The following ST7L variants were observed in gnomAD, a reference collection of about 807,000 sequenced individuals.
ST7L encodes suppression of tumorigenicity 7 like.
Under a neutral mutation model 72.5 loss-of-function variants are expected in ST7L, and 57 were observed. The ratio of observed to expected loss-of-function variants is 0.79; its 90% CI spans 0.64 to 0.98. The LOEUF is 0.98. ST7L is among the 50% of genes least tolerant of loss of function. The probability of loss-of-function intolerance (pLI) is 0.00; values close to 1 mark genes in which losing one functional copy is unlikely to be tolerated. For missense variants in ST7L, 576 were observed against 672.2 expected (o/e 0.86, Z 1.58); for synonymous variants, 221 against 240.9 (o/e 0.92, Z 0.77).
At chr1:112,522,528 C>T (rs917490116), downstream of ST7L, 1 of 152,232 alleles carries the variant, frequency 6.6e-6, no homozygotes, top group Non-Finnish European at 1.5e-5. Context: ...CAAAGTTCCT[C>T]TCCAATATCC....
At chr1:112,532,788 T>A (rs1654584012) in intron 14 of ST7L, among the ~76,000 whole-genome samples, 1 of 152,208 alleles carries the variant, frequency 6.6e-6, no homozygotes, top group South Asian at 2.1e-4. Context: ...ACAAAGATAA[T>A]TTTATGATTT....
chr1:112,594,787 CCAGT>C (rs1666195926), intron 5 of ST7L, among the ~76,000 whole-genome samples: 1 of 151,980 alleles, frequency 6.6e-6, no homozygotes, highest in Non-Finnish European at 1.5e-5. Context: ...GAGAACTCAC[CCAGT>C]CAATTAGATT....
At position 112,550,660 on chromosome 1, in the gene ST7L, C is replaced by CCT. The variant is rs1557963656; in HGVS notation, c.1428_1429dup (p.Gly477GlufsTer50). 6.2e-7 allele frequency: 1 copy of CCT among 1,613,398 alleles called. No homozygotes were observed. The highest frequency in any genetic ancestry group is 1.1e-5 in the South Asian group (1 of 91,006). ...GCTGGGATAAGGGTAAAATAGATGT[C>CCT]CTTTCTCTAACGGGTATGGAATCAT... On this transcript the variant is annotated frameshift_variant, in exon 13 of 15. Coordinates refer to ENST00000358039, the MANE Select transcript of ST7L (RefSeq NM_017744.5). LOFTEE classifies it high-confidence loss of function.
At chr1:112,547,561 CTTTTTTTTTTTTTT>C (rs59755766) in intron 13 of ST7L, among the ~76,000 whole-genome samples, 1 of 61,982 alleles carries the variant, frequency 1.6e-5, no homozygotes, top group African/African-American at 6.4e-5. Context: ...TCTTTGTCAT[CTTTTTTTTTTTTTT>C]TTTTTTTTTT....
At chr1:112,570,570 T>TATATACACACACACACACAC (rs1183877129) in intron 11 of ST7L, among the ~76,000 whole-genome samples, 76 of 143,398 alleles carry the variant, frequency 5.3e-4, no homozygotes, top group African/African-American at 1.9e-3. Flanking sequence ...TATATATATA[T>TATATACACACACACACACAC]ACACACACAC....
chr1:112,573,464 T>C (rs955915653), intron 11 of ST7L, among the ~76,000 whole-genome samples: 20 of 152,122 alleles, frequency 1.3e-4, no homozygotes, highest in African/African-American at 4.8e-4. Context: ...ATTTGAGAAT[T>C]TTGATGAAAT....
chr1:112,577,311 C>G (rs1199257983), intron 10 of ST7L, among the ~76,000 whole-genome samples: 1 of 150,922 alleles, frequency 6.6e-6, no homozygotes, highest in African/African-American at 2.4e-5. Flanking sequence ...GGTGGATCAC[C>G]TGAGCTCAGG....
intron 12 of ST7L, among the ~76,000 whole-genome samples, chr1:112,553,233 AACACACACAC>A (rs71584746): frequency 4.7e-5 from 7 of 149,492 alleles, no homozygotes; most frequent in East Asian, 4.0e-4. Flanking sequence ...CTTTTCTTTA[AACACACACAC>A]ACACACACAC....
At chr1:112,537,081 C>T (rs1239837759) in intron 14 of ST7L, among the ~76,000 whole-genome samples, 1 of 151,992 alleles carries the variant, frequency 6.6e-6, no homozygotes, top group Non-Finnish European at 1.5e-5. Context: ...CTGCAACTTC[C>T]GCCTTCTAGG....
At chr1:112,572,231 G>A (rs1282539622) in intron 11 of ST7L, among the ~76,000 whole-genome samples, 1 of 152,222 alleles carries the variant, frequency 6.6e-6, no homozygotes, top group African/African-American at 2.4e-5. Flanking sequence ...AGCACAGGCA[G>A]AGAAGATTTA....
intron 4 of ST7L, among the ~76,000 whole-genome samples, chr1:112,599,048 A>G (rs1413527135): frequency 9.1e-6 from 1 of 110,494 alleles, no homozygotes; most frequent in East Asian, 2.9e-4. Context: ...TGACAGAGAG[A>G]GACTCAGCCT....
At chr1:112,601,360 C>T (rs768938786) in intron 3 of ST7L, among the ~76,000 whole-genome samples, 3 of 152,162 alleles carry the variant, frequency 2.0e-5, no homozygotes, top group Non-Finnish European at 2.9e-5. Context: ...ATTCTCCAGC[C>T]TCAGCCTCCC....
chr1:112,519,589 T>A (rs1652746992), downstream of ST7L, among the ~76,000 whole-genome samples: 1 of 152,124 alleles, frequency 6.6e-6, no homozygotes, highest in Admixed American at 6.5e-5. Context: ...ATGATCCCTA[T>A]CCTAGAGTTT....
chr1:112,604,364 G>C (rs1264946754), intron 3 of ST7L, among the ~76,000 whole-genome samples: 1 of 151,948 alleles, frequency 6.6e-6, no homozygotes, highest in African/African-American at 2.4e-5. Context: ...ACTCATTCCA[G>C]CATCAATTCT....
At chr1:112,591,233 G>A (rs1001211906) in intron 6 of ST7L, among the ~76,000 whole-genome samples, 1 of 151,982 alleles carries the variant, frequency 6.6e-6, no homozygotes, top group Non-Finnish European at 1.5e-5. Context: ...ACCCGGCCTA[G>A]TATGTTAGTA....
rs572081962 is a variant in ST7L, at chr1:112,610,594, G to A, written c.451+247C>T. The A allele has an allele frequency of 1.4e-3, 569 of 398,260 alleles. 1 individual carries two copies. Among genetic ancestry groups the A allele is most frequent in the Non-Finnish European group, 1.7e-3 (383 of 227,466 alleles). The allele number at this position is 398,260 out of a possible 1,614,324, so 24.7% of individuals were successfully genotyped here. ...GCGCCTTCTCGTGGTGTCCTCCCAC[G>A]GTAGAAGTGGCAAGCAGCTCTCTGG... On this transcript the variant is annotated intron_variant, in intron 3 of 14. Coordinates refer to ENST00000358039, the MANE Select transcript of ST7L (RefSeq NM_017744.5).
At chr1:112,539,855 C>A in intron 14 of ST7L, 1 of 985,126 alleles carries the variant, frequency 1.0e-6, no homozygotes, top group Non-Finnish European at 1.2e-6. Context: ...AAAAATGTGG[C>A]TGTAAAAGTT....
intron 11 of ST7L, among the ~76,000 whole-genome samples, chr1:112,558,061 A>G (rs765734061): frequency 6.6e-6 from 1 of 152,230 alleles, no homozygotes; most frequent in Non-Finnish European, 1.5e-5. Flanking sequence ...AAACCTTTAA[A>G]AACTTACTTA....
upstream of ST7L, chr1:112,619,392 G>A: frequency 1.8e-6 from 1 of 560,086 alleles, no homozygotes; most frequent in Non-Finnish European, 3.2e-6. Context: ...CGAAATGAGG[G>A]TCACCTTTCA....
Sources: gnomAD v4.1 joint callset for allele counts (sites outside exome capture counted in the v4.1 genomes callset) on GRCh38, gnomAD v4.1.1 for gene constraint, MANE v1.5 for transcripts, NCBI Gene and HGNC (gene_info 2026-07-23, HGNC 2026-07-21) for gene names.